Variants in ANK2 observed in about 807,000 individuals in gnomAD.
The protein encoded by ANK2 is ankyrin 2, also known as ankyrin-2.
ANK2 carries 83 observed loss-of-function variants against 360.5 expected under a neutral mutation model. That is an observed-to-expected ratio of 0.23 (90% CI 0.19 to 0.28). ANK2 has a LOEUF of 0.28. ANK2 is among the 10% of genes least tolerant of loss of function. The pLI is 1.00. For missense variants in ANK2, 4,201 were observed against 4,795.7 expected (o/e 0.88, Z 3.66); for synonymous variants, 1,740 against 1,759.5 (o/e 0.99, Z 0.28).
intron 2 of ANK2, among the ~76,000 whole-genome samples, chr4:113,001,820 G>T (rs2050798076): frequency 6.6e-6 from 1 of 152,078 alleles, no homozygotes; most frequent in Admixed American, 6.6e-5. Context: ...ATCACAAAAT[G>T]AGCATTTTGA....
chr4:112,824,136 CATCTATCTATCT>C (rs35729539), intron 1 of ANK2, among the ~76,000 whole-genome samples: 10,711 of 148,024 alleles, frequency 0.072, 494 homozygotes, highest in Non-Finnish European at 0.11. Flanking sequence ...AGGTCTTCAG[CATCTATCTATCT>C]ATCTATCTAT....
chr4:113,354,999 C>G lies in ANK2; in HGVS notation c.6381C>G (p.Ser2127Arg). 6.2e-7 allele frequency: 1 copy of G among 1,613,954 alleles called. No individual in the cohort carries two copies. The highest frequency in any genetic ancestry group is 8.5e-7 in the Non-Finnish European group (1 of 1,179,952). The part of the protein sequence containing the change: ...DEQGDMDLQI[S>R]PDRKTSTDFS... ...AGGGAGACATGGATCTACAGATCAG[C>G]CCAGATAGGAAAACCTCCACTGACT... The change falls in exon 38 of 46, where the codon AGC becomes AGG. Residue 2127 changes from serine to arginine, a missense_variant. Transcript: ENST00000357077.
chr4:113,241,533 T>A (rs1046038414), intron 8 of ANK2, among the ~76,000 whole-genome samples: 4 of 152,142 alleles, frequency 2.6e-5, no homozygotes, highest in Non-Finnish European at 5.9e-5. Context: ...AGCGATGAGG[T>A]CTTACTATAT....
intron 1 of ANK2, among the ~76,000 whole-genome samples, chr4:112,889,496 T>G (rs1220910978): frequency 6.6e-6 from 1 of 152,192 alleles, no homozygotes; most frequent in African/African-American, 2.4e-5. Flanking sequence ...TTCTCCACTT[T>G]ATTTTAGATG....
chr4:113,092,784 T>C (rs1416620306), intron 1 of ANK2, among the ~76,000 whole-genome samples: 1 of 152,188 alleles, frequency 6.6e-6, no homozygotes, highest in Non-Finnish European at 1.5e-5. Flanking sequence ...ACATATAGTA[T>C]GTGATTAATA....
intron 1 of ANK2, among the ~76,000 whole-genome samples, chr4:112,864,289 A>G (rs1389237360): frequency 6.6e-6 from 1 of 152,148 alleles, no homozygotes; most frequent in Non-Finnish European, 1.5e-5. Context: ...GACTAGTAAC[A>G]TTTTCACTAA....
At chr4:113,312,470 G>A (rs2080568690) in intron 24 of ANK2, among the ~76,000 whole-genome samples, 1 of 151,770 alleles carries the variant, frequency 6.6e-6, no homozygotes, top group African/African-American at 2.4e-5. Context: ...CTTTTCTTGG[G>A]CTTTTTCCTT....
chr4:112,786,840 C>T, the ANK2 span, among the ~76,000 whole-genome samples: 1 of 151,322 alleles, frequency 6.6e-6, no homozygotes, highest in East Asian at 1.9e-4. Context: ...CCTCCACCTC[C>T]CAGGTTCATG....
chr4:113,311,446 C>T (rs1313427485), intron 24 of ANK2, 47 bp downstream of exon 24: 1 of 1,605,788 alleles, frequency 6.2e-7, no homozygotes, highest in Admixed American at 1.7e-5. Flanking sequence ...GTATGTGCAA[C>T]ATATTTTTTA....
At chr4:113,102,823 C>A (rs1252080262) in intron 1 of ANK2, among the ~76,000 whole-genome samples, 1 of 152,106 alleles carries the variant, frequency 6.6e-6, no homozygotes, top group African/African-American at 2.4e-5. Flanking sequence ...ATATCCTCCT[C>A]TTTATTGTTC....
intron 2 of ANK2, among the ~76,000 whole-genome samples, chr4:112,972,799 GA>G (rs1169103244): frequency 2.6e-5 from 4 of 152,004 alleles, no homozygotes; most frequent in African/African-American, 9.7e-5. Context: ...AGTGGATAAA[GA>G]AAACATGGTA....
intron 1 of ANK2, among the ~76,000 whole-genome samples, chr4:112,853,124 T>C (rs916342365): frequency 6.6e-6 from 1 of 152,084 alleles, no homozygotes; most frequent in East Asian, 1.9e-4. Flanking sequence ...GCTAGAGTGC[T>C]GTGGCGTGAT....
intron 10 of ANK2, among the ~76,000 whole-genome samples, chr4:113,250,752 A>ACCCCCCCCCCCCC (rs1383642885): frequency 2.1e-5 from 1 of 47,310 alleles, no homozygotes; most frequent in Non-Finnish European, 4.8e-5. Context: ...ACCTCATACC[A>ACCCCCCCCCCCCC]CCGCCCCCCC....
chr4:113,219,391 AAAT>A (rs1279557734), intron 4 of ANK2, among the ~76,000 whole-genome samples: 1 of 151,840 alleles, frequency 6.6e-6, no homozygotes, highest in Non-Finnish European at 1.5e-5. Context: ...ATGCATATAA[AAAT>A]AAAGGCATTT....
At chr4:113,311,518 G>T (rs568947431) in intron 24 of ANK2, 119 bp downstream of exon 24, 171 of 1,291,966 alleles carry the variant, frequency 1.3e-4, no homozygotes, top group Non-Finnish European at 1.8e-4. Flanking sequence ...ATTAATCTCA[G>T]CAGTTAGCAT....
the ANK2 span, among the ~76,000 whole-genome samples, chr4:112,762,619 C>T: frequency 3.7e-4 from 56 of 152,206 alleles, no homozygotes; most frequent in African/African-American, 8.2e-4. Context: ...AAGCGATTCT[C>T]GTGCTTCAGC....
chr4:113,041,629 A>G (rs749250991), intron 2 of ANK2, among the ~76,000 whole-genome samples: 9 of 152,174 alleles, frequency 5.9e-5, no homozygotes, highest in Admixed American at 6.6e-5. Flanking sequence ...GGGCCATCTT[A>G]CTACATGGTT....
chr4:113,071,370 G>A (rs1023832701), intron 1 of ANK2, among the ~76,000 whole-genome samples: 1 of 152,176 alleles, frequency 6.6e-6, no homozygotes. Flanking sequence ...GTTAGAGAGT[G>A]CTACAGAAAT....
intron 2 of ANK2, among the ~76,000 whole-genome samples, chr4:112,957,718 C>T (rs1309570686): frequency 1.1e-4 from 16 of 147,062 alleles, no homozygotes; most frequent in South Asian, 4.3e-4. Flanking sequence ...CCCTCCCGGA[C>T]GGGGTGGCTG....
Sources: gnomAD v4.1 joint callset for allele counts (sites outside exome capture counted in the v4.1 genomes callset) on GRCh38, gnomAD v4.1.1 for gene constraint, MANE v1.5 for transcripts, NCBI Gene and HGNC (gene_info 2026-07-23, HGNC 2026-07-21) for gene names.